The following STPG2 variants were observed in gnomAD, a reference collection of about 807,000 sequenced individuals.
STPG2 encodes the protein sperm tail PG-rich repeat containing 2.
STPG2 carries 56 observed loss-of-function variants against 54.2 expected under a neutral mutation model. That is an observed-to-expected ratio of 1.03 (90% CI 0.83 to 1.29). The LOEUF is 1.29. STPG2 is among the 50% of genes most tolerant of loss of function. The pLI is 0.00. For missense variants in STPG2, 596 were observed against 544.9 expected (o/e 1.09, Z -0.93); for synonymous variants, 200 against 181.8 (o/e 1.10, Z -0.81).
chr4:98,121,348 G>C (rs1739674054), intron 3 of STPG2, among the ~76,000 whole-genome samples: 1 of 149,582 alleles, frequency 6.7e-6, no homozygotes, highest in African/African-American at 2.5e-5. Flanking sequence ...TGTTCTTTTT[G>C]CTTAGGATTG....
chr4:98,038,410 AT>A (rs71600243), intron 5 of STPG2, among the ~76,000 whole-genome samples: 158 of 151,854 alleles, frequency 1.0e-3, no homozygotes, highest in African/African-American at 2.8e-3. Context: ...AGTGGAAACA[AT>A]TTTTTTTTAT....
At chr4:97,595,253 T>A (rs568732492) in intron 10 of STPG2, among the ~76,000 whole-genome samples, 4 of 152,124 alleles carry the variant, frequency 2.6e-5, no homozygotes, top group African/African-American at 9.7e-5. Flanking sequence ...ATATACACCA[T>A]GGAATACTAT....
At chr4:97,489,633 G>T (rs1730455430) in intron 4 of STPG2, 1 of 151,614 alleles carries the variant, frequency 6.6e-6, no homozygotes, top group Admixed American at 6.6e-5. Flanking sequence ...AAAAGGGAAA[G>T]AATTTTGAGT....
intron 4 of STPG2, among the ~76,000 whole-genome samples, chr4:97,527,703 A>T (rs1731314123): frequency 6.6e-6 from 1 of 152,224 alleles, no homozygotes. Flanking sequence ...GACTGGTATG[A>T]GATGGTATTT....
chr4:97,638,494 G>C (rs1225128192), intron 10 of STPG2, among the ~76,000 whole-genome samples: 1 of 152,086 alleles, frequency 6.6e-6, no homozygotes, highest in Admixed American at 6.5e-5. Context: ...ATTGACAAAT[G>C]GGATCTCATT....
At chr4:97,739,896 C>A (rs1399678560) in intron 9 of STPG2, among the ~76,000 whole-genome samples, 1 of 151,950 alleles carries the variant, frequency 6.6e-6, no homozygotes, top group Non-Finnish European at 1.5e-5. Context: ...CAAAGCCGGG[C>A]AGAGACACAA....
intron 8 of STPG2, among the ~76,000 whole-genome samples, chr4:97,934,485 T>A (rs1031826585): frequency 6.6e-6 from 1 of 152,210 alleles, no homozygotes; most frequent in African/African-American, 2.4e-5. Flanking sequence ...CAGTATGATA[T>A]TAGCTGCAGG....
chr4:97,734,457 C>T (rs1363433434), intron 9 of STPG2, among the ~76,000 whole-genome samples: 8 of 152,082 alleles, frequency 5.3e-5, no homozygotes, highest in African/African-American at 2.4e-5. Flanking sequence ...GTGTGGTGTT[C>T]CCCTCTATGT....
intron 3 of STPG2, among the ~76,000 whole-genome samples, chr4:98,113,101 CAG>C (rs1739411174): frequency 6.6e-6 from 1 of 150,760 alleles, no homozygotes; most frequent in African/African-American, 2.4e-5. Flanking sequence ...ACCTTTCTAA[CAG>C]AGTATAACAC....
chr4:97,541,222 C>A (rs2148861707), intron 4 of STPG2, among the ~76,000 whole-genome samples: 1 of 152,184 alleles, frequency 6.6e-6, no homozygotes, highest in East Asian at 1.9e-4. Flanking sequence ...TAGAAAACCC[C>A]ATCATCTCAG....
intron 8 of STPG2, among the ~76,000 whole-genome samples, chr4:97,929,927 G>A (rs1022121838): frequency 6.6e-6 from 1 of 151,928 alleles, no homozygotes; most frequent in Non-Finnish European, 1.5e-5. Context: ...TTGACACGGA[G>A]TTTTACCCTA....
chr4:97,741,282 T>C, intron 9 of STPG2, among the ~76,000 whole-genome samples: 1 of 152,016 alleles, frequency 6.6e-6, no homozygotes, highest in Non-Finnish European at 1.5e-5. Context: ...CTAGGCATTA[T>C]CACTCAGGAT....
intron 3 of STPG2, among the ~76,000 whole-genome samples, chr4:98,117,366 T>C (rs1260224761): frequency 6.6e-6 from 1 of 152,018 alleles, no homozygotes; most frequent in African/African-American, 2.4e-5. Flanking sequence ...TGTCTTTGGC[T>C]TTCAACAGCT....
Position 97,587,744 on chromosome 4 carries a change from T to C in STPG2, c.1321-28627A>G, listed in dbSNP as rs554389612. On this transcript the variant is annotated intron_variant, in intron 10 of 10. Coordinates refer to ENST00000295268, the MANE Select transcript of STPG2 (RefSeq NM_174952.3). ...TTCAAGGCCCCACCCCTATTATAAC[T>C]CTGGCCCCAACATGTTACAGAATAT... 3.9e-5 allele frequency among the ~76,000 whole-genome samples: 6 copies of C among 152,084 alleles called. No homozygotes were observed. The South Asian group carries it at 1.0e-3, about 26-fold the overall frequency.
At chr4:97,694,360 A>G (rs746712055) in intron 10 of STPG2, among the ~76,000 whole-genome samples, 4 of 152,164 alleles carry the variant, frequency 2.6e-5, no homozygotes, top group Non-Finnish European at 4.4e-5. Context: ...GAAATACAAA[A>G]AAAATCATTC....
intron 8 of STPG2, among the ~76,000 whole-genome samples, chr4:97,880,860 T>C (rs1039644132): frequency 2.0e-5 from 3 of 152,054 alleles, no homozygotes; most frequent in African/African-American, 7.2e-5. Context: ...CCAATACCAG[T>C]TCAGAAGGAT....
intron 8 of STPG2, among the ~76,000 whole-genome samples, chr4:97,942,658 T>C (rs754969394): frequency 7.2e-5 from 11 of 152,080 alleles, no homozygotes; most frequent in Non-Finnish European, 1.2e-4. Context: ...ACATTCAGAG[T>C]TATATTAACT....
At chr4:98,015,950 C>G (rs1735931292) in intron 5 of STPG2, among the ~76,000 whole-genome samples, 1 of 152,094 alleles carries the variant, frequency 6.6e-6, no homozygotes, top group Non-Finnish European at 1.5e-5. Context: ...AGCAAACTAA[C>G]ACAAGGACAG....
chr4:97,589,983 G>A (rs992718538), intron 10 of STPG2, among the ~76,000 whole-genome samples: 3 of 152,054 alleles, frequency 2.0e-5, no homozygotes, highest in Non-Finnish European at 4.4e-5. Context: ...TGACTAAAGA[G>A]GGATGCATTT....
Sources: allele counts gnomAD v4.1 joint callset (sites outside exome capture counted in the v4.1 genomes callset), GRCh38; gene constraint gnomAD v4.1.1; transcripts MANE v1.5; gene names NCBI Gene and HGNC (gene_info 2026-07-23, HGNC 2026-07-21).